The following CFAP47 variants were observed in gnomAD, a reference collection of about 807,000 sequenced individuals.
The protein encoded by CFAP47 is cilia and flagella associated protein 47, also known as cilia- and flagella-associated protein 47.
CFAP47 carries 29 observed loss-of-function variants against 148.1 expected under a neutral mutation model. That is an observed-to-expected ratio of 0.20 (90% confidence interval 0.15 to 0.27). CFAP47 has a LOEUF of 0.27. CFAP47 is among the 10% of genes least tolerant of loss of function. The pLI, the probability that CFAP47 is intolerant of heterozygous loss-of-function variation, is 1.00. For missense variants in CFAP47, 1,872 were observed against 1,697.5 expected (o/e 1.10, Z -1.81); for synonymous variants, 664 against 577.3 (o/e 1.15, Z -2.15).
rs1556008926 is a variant in CFAP47 at position 36,306,774 on chromosome X, G to A, written c.8085G>A (p.Leu2695=). 8 of 1,144,441 alleles carry A rather than the reference G, an allele frequency of 7.0e-6. No homozygotes were observed. The highest frequency in any genetic ancestry group is 9.4e-6 in the Non-Finnish European group (8 of 855,365). The allele number at this position is 1,144,441 out of a possible 1,213,427, so 94.3% of individuals were successfully genotyped here. The part of the protein sequence containing the change: ...FVLDINRKSQ[L]IISPHSTTEL... Reference sequence around the variant, plus strand: ...CTTTGCTTTTTCCATTTACACAGCTGATCATATCTCCTCACTCCACCACAG... The same window carrying A: ...CTTTGCTTTTTCCATTTACACAGCTAATCATATCTCCTCACTCCACCACAG... Residue 2695 remains leucine (L), a splice_region_variant and synonymous_variant, in exon 55 of 64, where the codon CTG becomes CTA. Coordinates refer to ENST00000378653, the MANE Select transcript of CFAP47 (RefSeq NM_001304548.2).
chrX:35,961,204 T>A (rs192864646), intron 8 of CFAP47, among the ~76,000 whole-genome samples: 1 of 112,280 alleles, frequency 8.9e-6, no homozygotes, highest in African/African-American at 3.2e-5. Flanking sequence ...ATATAATCTT[T>A]TCTACGTTTT....
At position 36,379,078 on chromosome X, in the gene CFAP47, C is replaced by A. The variant is rs782348777; in HGVS notation, c.9186-272C>A. Among the ~76,000 whole-genome samples the A allele has an allele frequency of 6.3e-5, 7 of 111,887 alleles. No homozygotes were observed. The East Asian group carries it at 2.0e-3, about 31-fold the overall frequency. On this transcript the variant is annotated intron_variant, in intron 62 of 63. Transcript: ENST00000378653. ...CCACCTGCCTCGGCCTCCCAAAGTG[C>A]TGGGATTATAGGCGTGAGCCACCAC...
intron 61 of CFAP47, among the ~76,000 whole-genome samples, chrX:36,364,208 C>G (rs1941851826): frequency 9.0e-6 from 1 of 110,537 alleles, no homozygotes; most frequent in Admixed American, 9.8e-5. Context: ...GTGGTCTTCT[C>G]CTGAAGGGTC....
At chrX:36,381,942 T>C (rs1452972521) in intron 63 of CFAP47, among the ~76,000 whole-genome samples, 1 of 111,020 alleles carries the variant, frequency 9.0e-6, no homozygotes, top group Non-Finnish European at 1.9e-5. Flanking sequence ...GTACCTGTTA[T>C]AACTAGAGAC....
intron 33 of CFAP47, among the ~76,000 whole-genome samples, chrX:36,106,900 T>C (rs1232502905): frequency 9.0e-6 from 1 of 111,520 alleles, no homozygotes. Context: ...TAATTATGAA[T>C]ACATGTCATT....
intron 27 of CFAP47, among the ~76,000 whole-genome samples, chrX:36,071,239 A>T (rs1307564344): frequency 8.9e-6 from 1 of 112,414 alleles, no homozygotes; most frequent in Non-Finnish European, 1.9e-5. Context: ...GCTTGGCCTT[A>T]GGTCACACCT....
chrX:36,175,256 A>G (rs996390152), intron 39 of CFAP47, among the ~76,000 whole-genome samples: 11 of 111,473 alleles, frequency 9.9e-5, no homozygotes, highest in Non-Finnish European at 2.1e-4. Flanking sequence ...ATGTCCTCCC[A>G]TAGCTCAGAG....
chrX:36,178,024 C>T (rs765600597), intron 39 of CFAP47, among the ~76,000 whole-genome samples: 1 of 111,847 alleles, frequency 8.9e-6, no homozygotes, highest in African/African-American at 3.2e-5. Context: ...AGATCATGTT[C>T]TTTGCAAAAA....
In CFAP47 at chrX:36,236,070, T is replaced by C; in HGVS notation, c.7151T>C (p.Val2384Ala). The C allele has an allele frequency of 2.0e-6, 1 of 492,301 alleles. No homozygotes were observed. The highest frequency in any genetic ancestry group is 3.7e-6 in the Non-Finnish European group (1 of 273,306). The allele number at this position is 492,301 out of a possible 1,213,427, so 40.6% of individuals were successfully genotyped here. Residue 2384 changes from valine to alanine, a missense_variant, in exon 47 of 64, where the codon GTC becomes GCC. Val to Ala is a moderately conservative substitution (Grantham distance 64). Coordinates refer to ENST00000378653, the MANE Select transcript of CFAP47 (RefSeq NM_001304548.2). ...ACATTCAAACCTATTTTTGAATGTG[T>C]CATTACGGTATGAACTCCTTGATAT... ...PLTFKPIFEC[V>A]ITGKLILQNE...
chrX:36,356,714 G>C (rs1037268097), intron 60 of CFAP47, among the ~76,000 whole-genome samples: 13 of 111,250 alleles, frequency 1.2e-4, no homozygotes, highest in African/African-American at 4.3e-4. Context: ...TTAAGAATAG[G>C]AGTCATGTTG....
At chrX:36,122,648 T>C (rs1938766800) in intron 33 of CFAP47, among the ~76,000 whole-genome samples, 3 of 111,921 alleles carry the variant, frequency 2.7e-5, no homozygotes, top group African/African-American at 9.7e-5. Context: ...TACTTGATTC[T>C]TTTTAATTAT....
chrX:35,989,675 T>A, intron 16 of CFAP47: 2 of 833,550 alleles, frequency 2.4e-6, no homozygotes, highest in Non-Finnish European at 3.2e-6. Flanking sequence ...TTTCAGAGAA[T>A]ATACTTGATG....
At chrX:36,297,007 C>A (rs1556006934) in intron 51 of CFAP47, among the ~76,000 whole-genome samples, 2 of 111,734 alleles carry the variant, frequency 1.8e-5, no homozygotes. Context: ...AGTTTAAATG[C>A]CCACTTATTT....
At chrX:36,260,915 C>T (rs1412464607) in intron 49 of CFAP47, among the ~76,000 whole-genome samples, 2 of 111,112 alleles carry the variant, frequency 1.8e-5, no homozygotes, top group Non-Finnish European at 3.8e-5. Flanking sequence ...TTTCAGTCTT[C>T]TGCATATGGC....
At chrX:36,079,309 A>G (rs770774685) in intron 29 of CFAP47, among the ~76,000 whole-genome samples, 4 of 112,186 alleles carry the variant, frequency 3.6e-5, no homozygotes, top group African/African-American at 6.5e-5. Flanking sequence ...ACTTTCAGGT[A>G]CAGCAGTCAA....
At chrX:36,029,041 A>G (rs1193678973) in intron 22 of CFAP47, among the ~76,000 whole-genome samples, 1 of 110,513 alleles carries the variant, frequency 9.0e-6, no homozygotes, top group Non-Finnish European at 1.9e-5. Context: ...TTTCTTTTTT[A>G]AATTACTGAT....
intron 57 of CFAP47, among the ~76,000 whole-genome samples, chrX:36,333,811 T>C (rs1465746906): frequency 9.0e-6 from 1 of 111,053 alleles, no homozygotes; most frequent in Non-Finnish European, 1.9e-5. Flanking sequence ...TGGAACATGC[T>C]CACAACTTGC....
At chrX:36,311,937 T>C (rs973147730) in intron 56 of CFAP47, among the ~76,000 whole-genome samples, 7 of 111,123 alleles carry the variant, frequency 6.3e-5, no homozygotes, top group African/African-American at 2.0e-4. Context: ...TTTTAAATAT[T>C]AAGAAAGTAA....
At chrX:36,133,809 A>AAG (rs1197527445) in intron 33 of CFAP47, among the ~76,000 whole-genome samples, 7 of 109,200 alleles carry the variant, frequency 6.4e-5, no homozygotes, top group African/African-American at 2.3e-4. Flanking sequence ...AAAAAAAAAA[A>AAG]AGAAAAGAAA....
Sources: allele counts gnomAD v4.1 joint callset (sites outside exome capture counted in the v4.1 genomes callset), GRCh38; gene constraint gnomAD v4.1.1; transcripts MANE v1.5; gene names NCBI Gene and HGNC (gene_info 2026-07-23, HGNC 2026-07-21).